The following ASIC2 variants were observed in gnomAD, a reference collection of about 807,000 sequenced individuals.
The protein encoded by ASIC2 is acid-sensing ion channel 2.
Under a neutral mutation model 57.3 loss-of-function variants are expected in ASIC2, and 25 were observed. The observed-to-expected ratio is 0.44, with a 90% confidence interval of 0.32 to 0.61. The LOEUF (loss-of-function observed/expected upper bound fraction) is 0.61, where lower values mean the gene tolerates loss of function less well. Ranked by LOEUF, ASIC2 falls within the 20% of genes least tolerant of loss-of-function variation. The probability of loss-of-function intolerance (pLI) is 0.06; values close to 1 mark genes in which losing one functional copy is unlikely to be tolerated. For missense variants in ASIC2, 641 were observed against 738.1 expected (o/e 0.87, Z 1.52); for synonymous variants, 319 against 307.5 (o/e 1.04, Z -0.39).
At chr17:33,536,830 A>G (rs1044531732) in intron 1 of ASIC2, among the ~76,000 whole-genome samples, 10 of 152,068 alleles carry the variant, frequency 6.6e-5, no homozygotes, top group Non-Finnish European at 1.3e-4. Flanking sequence ...AACATGGTAA[A>G]ACCCTGTCTC....
intron 3 of ASIC2, among the ~76,000 whole-genome samples, chr17:33,057,922 C>G (rs964530412): frequency 3.3e-5 from 5 of 152,174 alleles, no homozygotes; most frequent in Non-Finnish European, 7.3e-5. Context: ...TGAGGCTGAA[C>G]CTGCACAGAT....
At chr17:34,130,198 C>T (rs956291238) in intron 1 of ASIC2, among the ~76,000 whole-genome samples, 1 of 152,160 alleles carries the variant, frequency 6.6e-6, no homozygotes, top group Non-Finnish European at 1.5e-5. Context: ...CTTTTCAAGG[C>T]GAGATCATTA....
chr17:33,280,003 G>C (rs1904873516), intron 1 of ASIC2, among the ~76,000 whole-genome samples: 1 of 152,098 alleles, frequency 6.6e-6, no homozygotes, highest in Admixed American at 6.5e-5. Flanking sequence ...TGCCAGACTT[G>C]CCTTTGTAGA....
At chr17:33,514,113 A>G (rs950105751) in intron 1 of ASIC2, among the ~76,000 whole-genome samples, 2 of 152,202 alleles carry the variant, frequency 1.3e-5, no homozygotes, top group Admixed American at 6.5e-5. Context: ...CAGTTTTCTC[A>G]GGTACACAGC....
chr17:33,441,470 T>C (rs977479609), intron 1 of ASIC2, among the ~76,000 whole-genome samples: 4 of 152,240 alleles, frequency 2.6e-5, no homozygotes, highest in African/African-American at 9.6e-5. Context: ...CCAGTTTGAA[T>C]TGATTTTTGT....
chr17:34,030,722 T>C (rs563438900), intron 1 of ASIC2, among the ~76,000 whole-genome samples: 2 of 152,324 alleles, frequency 1.3e-5, no homozygotes, highest in South Asian at 4.1e-4. Context: ...AGCACCTGGC[T>C]TGGAGGGTCC....
At chr17:34,095,133 T>G (rs972782125) in intron 1 of ASIC2, among the ~76,000 whole-genome samples, 1 of 152,242 alleles carries the variant, frequency 6.6e-6, no homozygotes, top group Non-Finnish European at 1.5e-5. Context: ...CTAGTCCTAT[T>G]GTTCTCTGGC....
intron 1 of ASIC2, among the ~76,000 whole-genome samples, chr17:33,221,764 T>C (rs76965077): frequency 3.9e-5 from 6 of 152,354 alleles, no homozygotes; most frequent in African/African-American, 9.6e-5. Context: ...ACTTTTTTTT[T>C]CTGAAAGGTC....
intron 1 of ASIC2, among the ~76,000 whole-genome samples, chr17:33,762,903 C>T (rs1372615730): frequency 6.6e-6 from 1 of 152,184 alleles, no homozygotes; most frequent in Non-Finnish European, 1.5e-5. Context: ...GTTGCGGGGC[C>T]TTGGCTCCTG....
rs144170835 is a variant in ASIC2 at position 33,095,552 on chromosome 17, G to A, written c.860-6562C>T. ...CCCACCCTCCTTGTTTTACAGATGT[G>A]CCACCGAGGTGCTGAAAGGCAGGTG... is the stretch of plus-strand genomic sequence containing the variant. On this transcript the variant is annotated intron_variant, in intron 2 of 9. Coordinates refer to ENST00000225823, the MANE Select transcript of ASIC2 (RefSeq NM_183377.2). Among the ~76,000 whole-genome samples the A allele has an allele frequency of 2.0e-3, 301 of 152,328 alleles. 2 individuals carry two copies. The highest frequency in any genetic ancestry group is 3.4e-3 in the Middle Eastern group (1 of 294).
intron 1 of ASIC2, among the ~76,000 whole-genome samples, chr17:33,783,565 G>A (rs1911519501): frequency 6.6e-6 from 1 of 152,206 alleles, no homozygotes; most frequent in Admixed American, 6.5e-5. Flanking sequence ...AGAGCTCCAG[G>A]GTTGCCTGCC....
intron 1 of ASIC2, among the ~76,000 whole-genome samples, chr17:33,706,919 C>G (rs1300857764): frequency 6.6e-6 from 1 of 152,184 alleles, no homozygotes; most frequent in Non-Finnish European, 1.5e-5. Flanking sequence ...TCTTCTGTCT[C>G]TCTTTCTTCG....
At chr17:33,793,150 C>A (rs1167213872) in intron 1 of ASIC2, among the ~76,000 whole-genome samples, 1 of 152,210 alleles carries the variant, frequency 6.6e-6, no homozygotes, top group African/African-American at 2.4e-5. Context: ...AACATTGACC[C>A]TAAAATCTGT....
At chr17:33,399,254 A>T (rs1597714415) in intron 1 of ASIC2, among the ~76,000 whole-genome samples, 1 of 152,284 alleles carries the variant, frequency 6.6e-6, no homozygotes. Context: ...AACTTCACCC[A>T]AGATGGCATT....
chr17:33,178,666 C>T (rs1305890372), intron 1 of ASIC2, among the ~76,000 whole-genome samples: 1 of 152,154 alleles, frequency 6.6e-6, no homozygotes, highest in African/African-American at 2.4e-5. Context: ...GTTCTAGGTG[C>T]ATGAGCTGAT....
At position 33,451,836 on chromosome 17, in the gene ASIC2, T is replaced by A. The variant is rs764890267; in HGVS notation, c.556-339769A>T. ...CATAGCACCCTACGTTTTTCCTTGTTTGTACTTTTCATAATTATAACCGCT... is the reference window on the plus strand; with the variant it reads ...CATAGCACCCTACGTTTTTCCTTGTATGTACTTTTCATAATTATAACCGCT... On this transcript the variant is annotated intron_variant, in intron 1 of 9. Transcript: ENST00000359872. Among the ~76,000 whole-genome samples the A allele has an allele frequency of 2.6e-4, 40 of 152,330 alleles. No homozygotes were observed. In the Middle Eastern group the frequency reaches 0.014, roughly 52 times the overall value.
intron 1 of ASIC2, among the ~76,000 whole-genome samples, chr17:33,695,680 C>T (rs1908502617): frequency 6.6e-6 from 1 of 152,152 alleles, no homozygotes. Context: ...ATTTTACTTA[C>T]ACATAGGCAC....
At chr17:33,367,770 A>G (rs1357956627) in intron 1 of ASIC2, among the ~76,000 whole-genome samples, 1 of 152,222 alleles carries the variant, frequency 6.6e-6, no homozygotes, top group Non-Finnish European at 1.5e-5. Context: ...ACAAAACAAA[A>G]CAATAACCTA....
At chr17:33,201,288 G>C (rs1906849148) in intron 1 of ASIC2, among the ~76,000 whole-genome samples, 1 of 152,190 alleles carries the variant, frequency 6.6e-6, no homozygotes, top group Non-Finnish European at 1.5e-5. Flanking sequence ...ACACTAGTTT[G>C]TTGGCTCAAT....
Sources: allele counts gnomAD v4.1 joint callset (sites outside exome capture counted in the v4.1 genomes callset), GRCh38; gene constraint gnomAD v4.1.1; transcripts MANE v1.5; gene names NCBI Gene and HGNC (gene_info 2026-07-23, HGNC 2026-07-21).